The following AGAP1 variants were observed in gnomAD, a reference collection of about 807,000 sequenced individuals.
AGAP1 encodes arf-GAP with GTPase, ANK repeat and PH domain-containing protein 1.
A neutral mutation model predicts 105.3 loss-of-function variants in AGAP1; 29 were observed. The observed-to-expected ratio is 0.28, with a 90% CI of 0.21 to 0.38. The LOEUF is 0.38. Among genes scored for constraint, AGAP1 ranks in the 10% least tolerant of loss-of-function variants. The pLI, the probability that AGAP1 is intolerant of heterozygous loss-of-function variation, is 1.00. For synonymous variants in AGAP1, 509 were observed against 485.9 expected, an observed-to-expected ratio of 1.05 and a Z score of -0.63; for missense variants, 998 against 1,165.1, an observed-to-expected ratio of 0.86 and a Z score of 2.09.
At chr2:235,776,227 CAAGG>C (rs1407586872) in intron 6 of AGAP1, among the ~76,000 whole-genome samples, 1 of 152,148 alleles carries the variant, frequency 6.6e-6, no homozygotes, top group Non-Finnish European at 1.5e-5. Context: ...ATGAGAGTGA[CAAGG>C]GAGGAGGGTG....
chr2:235,906,038 T>C lies in AGAP1; in HGVS notation c.1156-2700T>C, dbSNP rs2051288886. Among the ~76,000 whole-genome samples, 1 of 152,304 alleles carries C rather than the reference T, an allele frequency of 6.6e-6. No individual in the cohort carries two copies. The highest frequency in any genetic ancestry group is 1.9e-4 in the East Asian group (1 of 5,152). ...TCAGATTTGTTGTTCCCAGCCCAGA[T>C]ACCACCCTCCCGTTACCCGAACCCA... On this transcript the variant is annotated intron_variant, in intron 10 of 17. Transcript: ENST00000304032. The surrounding 1 kb of genome is among the most constrained non-coding windows in gnomAD (Gnocchi z 5.3).
intron 9 of AGAP1, among the ~76,000 whole-genome samples, chr2:235,828,934 T>C (rs2106331289): frequency 6.6e-6 from 1 of 152,334 alleles, no homozygotes; most frequent in African/African-American, 2.4e-5. Context: ...ACGCAGCCTG[T>C]CCAGAGTTCT....
rs1434291796 is a variant in AGAP1 at position 235,919,197 on chromosome 2, G to A, written c.1324+10291G>A. 1.3e-5 allele frequency among the ~76,000 whole-genome samples: 2 copies of A among 152,128 alleles called. No homozygotes were observed. The highest frequency in any genetic ancestry group is 6.5e-5 in the Admixed American group (1 of 15,268). ...CCAGGGAGCCAGCTGCCAGCCCCGG[G>A]GGCCAGTGAGAACCGAGGCCTTGGG... On this transcript the variant is annotated intron_variant, in intron 11 of 17. Coordinates refer to ENST00000304032, the MANE Select transcript of AGAP1 (RefSeq NM_001037131.3). The surrounding 1 kb of genome is among the most constrained non-coding windows in gnomAD (Gnocchi z 4.1).
chr2:235,740,442 C>T lies in AGAP1; in HGVS notation c.311-521C>T, dbSNP rs1292303207. Among the ~76,000 whole-genome samples, 1 of 152,176 alleles carries T rather than the reference C, an allele frequency of 6.6e-6. No homozygotes were observed. The highest frequency in any genetic ancestry group is 1.5e-5 in the Non-Finnish European group (1 of 68,040). On this transcript the variant is annotated intron_variant, in intron 3 of 17. Transcript: ENST00000304032. This position sits in a 1 kb window ranked among gnomAD's most constrained non-coding sequence, Gnocchi z 5.7. ...CCATGTGTAGTAGTGAAGCGTCCCT[C>T]CCTAATTGTGGCCTGTGACTCTGGA...
At chr2:235,630,142 AGTT>A (rs1946779571) in intron 1 of AGAP1, among the ~76,000 whole-genome samples, 1 of 152,180 alleles carries the variant, frequency 6.6e-6, no homozygotes, top group African/African-American at 2.4e-5. Flanking sequence ...GAAACAAATA[AGTT>A]GTTTTTTGAA....
Position 235,494,602 on chromosome 2 carries a change from C to CGCCCCGGGCTCGGCGGCCCGCGG in AGAP1, c.-76_-54dup. Reference sequence around the variant, plus strand: ...GGGCCCGGCTCCCCGGGGGCTGCGGCGCCCCGGGCTCGGCGGCCCGCGGGC... The same window carrying CGCCCCGGGCTCGGCGGCCCGCGG: ...GGGCCCGGCTCCCCGGGGGCTGCGGCGCCCCGGGCTCGGCGGCCCGCGGGCCCCGGGCTCGGCGGCCCGCGGGC... On this transcript the variant is annotated 5_prime_UTR_variant, in exon 1 of 18. Transcript: ENST00000304032. 1.7e-6 allele frequency: 1 copy of CGCCCCGGGCTCGGCGGCCCGCGG among 601,266 alleles called. No homozygotes were observed. The highest frequency in any genetic ancestry group is 2.1e-6 in the Non-Finnish European group (1 of 485,132). The allele number at this position is 601,266 out of a possible 1,614,324, so 37.2% of individuals were successfully genotyped here. A position where few individuals can be genotyped will look rare whatever the true frequency, so the allele number is the denominator to read the frequency against.
intron 1 of AGAP1, among the ~76,000 whole-genome samples, chr2:235,603,138 C>T (rs978907002): frequency 1.3e-5 from 2 of 152,102 alleles, no homozygotes; most frequent in East Asian, 1.9e-4. Flanking sequence ...GTGGTTTCCC[C>T]CATACTGTTC....
intron 13 of AGAP1, among the ~76,000 whole-genome samples, chr2:236,024,625 C>T (rs999318693): frequency 2.0e-5 from 3 of 152,056 alleles, no homozygotes; most frequent in Admixed American, 6.6e-5. Flanking sequence ...TAATTGATGA[C>T]GGATTGGCCC....
rs1413994915 is a variant in AGAP1 at position 236,130,214 on chromosome 2, TGAG to T, written c.*6096_*6098del. 1 of 152,178 alleles carries T rather than the reference TGAG, an allele frequency of 6.6e-6. No individual in the cohort carries two copies. Among genetic ancestry groups the T allele is most frequent in the Non-Finnish European group, 1.5e-5 (1 of 68,068 alleles). The allele number at this position is 152,178 out of a possible 1,614,324, so 9.4% of individuals were successfully genotyped here. ...CCCAAACAGGATATCCTCATGAATG[TGAG>T]GAGAGGCTGGCTCAGGGCTTGGTTT... On this transcript the variant is annotated 3_prime_UTR_variant, in exon 18 of 18. Transcript: ENST00000304032. This position sits in a 1 kb window ranked among gnomAD's most constrained non-coding sequence, Gnocchi z 5.8.
At chr2:235,730,597 T>G (rs1386900194) in intron 3 of AGAP1, among the ~76,000 whole-genome samples, 3 of 151,428 alleles carry the variant, frequency 2.0e-5, no homozygotes, top group Non-Finnish European at 4.4e-5. Flanking sequence ...CTTCTTGACT[T>G]GGCCTCCCAA....
intron 1 of AGAP1, among the ~76,000 whole-genome samples, chr2:235,514,371 T>C (rs1942290767): frequency 6.6e-6 from 1 of 152,240 alleles, no homozygotes; most frequent in Non-Finnish European, 1.5e-5. Context: ...GAAGGAGTCA[T>C]GGAGGAAGTA....
In AGAP1 at chr2:235,747,018, T is replaced by C. The variant is rs1192829417; in HGVS notation, c.538+2179T>C. Among the ~76,000 whole-genome samples, 3 of 152,156 alleles carry C rather than the reference T, an allele frequency of 2.0e-5. No homozygotes were observed. The highest frequency in any genetic ancestry group is 4.1e-4 in the South Asian group (2 of 4,824). On this transcript the variant is annotated intron_variant, in intron 5 of 17. Transcript: ENST00000304032. This position sits in a 1 kb window ranked among gnomAD's most constrained non-coding sequence, Gnocchi z 5.0. ...TGGGTGACCTTGACACCTGGGACTTTGGTGGGGTTCAACAGGAATTCCCAG... is the reference window on the plus strand; with the variant it reads ...TGGGTGACCTTGACACCTGGGACTTCGGTGGGGTTCAACAGGAATTCCCAG...
chr2:236,091,260 C>G (rs1300148390), intron 16 of AGAP1, among the ~76,000 whole-genome samples: 1 of 152,224 alleles, frequency 6.6e-6, no homozygotes, highest in Non-Finnish European at 1.5e-5. Flanking sequence ...TCCAGGTCGC[C>G]TGGGGCCCTG....
intron 1 of AGAP1, among the ~76,000 whole-genome samples, chr2:235,522,308 G>A (rs751618378): frequency 6.6e-6 from 1 of 152,192 alleles, no homozygotes; most frequent in Non-Finnish European, 1.5e-5. Context: ...TGGTAAAAAG[G>A]TGGTAAGGAG....
Position 235,801,913 on chromosome 2 carries a change from A to G in AGAP1, c.957+2391A>G, listed in dbSNP as rs1461113247. ...ACAAAGTATCTTTAAAAATGAGACT[A>G]TTTATAAGGAGAATACCAGCACCTT... On this transcript the variant is annotated intron_variant, in intron 8 of 17. Coordinates refer to ENST00000304032, the MANE Select transcript of AGAP1 (RefSeq NM_001037131.3). The surrounding 1 kb of genome is among the most constrained non-coding windows in gnomAD (Gnocchi z 6.0). Among the ~76,000 whole-genome samples the G allele has an allele frequency of 1.3e-5, 2 of 152,112 alleles. No individual in the cohort carries two copies. The highest frequency in any genetic ancestry group is 2.1e-4 in the South Asian group (1 of 4,792).
Position 236,089,483 on chromosome 2 carries a change from A to C in AGAP1, c.2115-30709A>C, listed in dbSNP as rs1436431642. The stretch of plus-strand genomic sequence containing the variant: ...ACTGGCAGAAGAGAGTGAGCGTAGC[A>C]ACTGGGAGGTGGCCTGATGGCCTGC... On this transcript the variant is annotated intron_variant, in intron 16 of 17. Transcript: ENST00000304032. This position sits in a 1 kb window ranked among gnomAD's most constrained non-coding sequence, Gnocchi z 5.6. Among the ~76,000 whole-genome samples the C allele has an allele frequency of 6.6e-6, 1 of 152,238 alleles. No individual in the cohort carries two copies. Among genetic ancestry groups the C allele is most frequent in the African/African-American group, 2.4e-5 (1 of 41,460 alleles).
intron 9 of AGAP1, among the ~76,000 whole-genome samples, chr2:235,834,039 C>T (rs1254017239): frequency 1.3e-5 from 2 of 151,504 alleles, no homozygotes; most frequent in African/African-American, 2.4e-5. Flanking sequence ...AGCCAGCCCC[C>T]TCCATGTAGG....
Position 235,857,541 on chromosome 2 carries a change from G to A in AGAP1, c.1051-25804G>A, listed in dbSNP as rs80208378. ...CGTTGAGCAGCTTCCCACCCTGATT[G>A]CAGCTGTTCCTTTTTAAACAGAACC... On this transcript the variant is annotated intron_variant, in intron 9 of 17. Coordinates refer to ENST00000304032, the MANE Select transcript of AGAP1 (RefSeq NM_001037131.3). Among the ~76,000 whole-genome samples the A allele has an allele frequency of 1.5e-3, 234 of 152,282 alleles. 1 individual carries two copies. Among genetic ancestry groups the A allele is most frequent in the African/African-American group, 5.3e-3 (222 of 41,544 alleles).
chr2:235,957,344 T>C lies in AGAP1; in HGVS notation c.1484-11118T>C, dbSNP rs2053993688. Among the ~76,000 whole-genome samples, 1 of 152,242 alleles carries C rather than the reference T, an allele frequency of 6.6e-6. No homozygotes were observed. Among genetic ancestry groups the C allele is most frequent in the African/African-American group, 2.4e-5 (1 of 41,460 alleles). On this transcript the variant is annotated intron_variant, in intron 12 of 17. Coordinates refer to ENST00000304032, the MANE Select transcript of AGAP1 (RefSeq NM_001037131.3). This position sits in a 1 kb window ranked among gnomAD's most constrained non-coding sequence, Gnocchi z 4.6. ...TCTCTCCTGTGTGTTCTCTTGGTTC[T>C]GGCTCCTCCTATTGTATTCCTTTCC...
Sources: gnomAD v4.1 joint callset for allele counts (sites outside exome capture counted in the v4.1 genomes callset) on GRCh38, gnomAD v4.1.1 for gene constraint, Gnocchi (gnomAD v3.1) non-coding constraint, MANE v1.5 for transcripts, NCBI Gene and HGNC (gene_info 2026-07-23, HGNC 2026-07-21) for gene names.